Variants in PTPRN2 observed in about 807,000 individuals in gnomAD.
The protein encoded by PTPRN2 is receptor-type tyrosine-protein phosphatase N2.
A neutral mutation model predicts 118.8 loss-of-function variants in PTPRN2; 74 were observed. That is an observed-to-expected ratio of 0.62 (90% CI 0.52 to 0.76). PTPRN2 has a LOEUF of 0.76. Among genes scored for constraint, PTPRN2 ranks in the 30% least tolerant of loss-of-function variants. PTPRN2 has a pLI of 0.00. For synonymous variants in PTPRN2, 641 were observed against 608.0 expected (o/e 1.05, Z -0.80); for missense variants, 1,481 against 1,394.4 (o/e 1.06, Z -0.99).
At chr7:157,712,479 G>T (rs1288646101) in intron 12 of PTPRN2, among the ~76,000 whole-genome samples, 2 of 152,152 alleles carry the variant, frequency 1.3e-5, no homozygotes, top group African/African-American at 2.4e-5. Context: ...GGCTGGGCAG[G>T]GTGGCTCACG....
rs1242777398 is a variant in PTPRN2, at chr7:157,590,379, T to A, written c.2496+4859A>T. ...TCTGAGCTGGAGTAAGGACCAGGAATTCAGCCGAATGATTTGGAGAGCACT... is the reference window on the plus strand; with the variant it reads ...TCTGAGCTGGAGTAAGGACCAGGAAATCAGCCGAATGATTTGGAGAGCACT... On this transcript the variant is annotated intron_variant, in intron 17 of 22. Coordinates refer to ENST00000389418, the MANE Select transcript of PTPRN2 (RefSeq NM_002847.5). The surrounding 1 kb of genome is among the most constrained non-coding windows in gnomAD (Gnocchi z 4.0). Among the ~76,000 whole-genome samples, 1 of 152,228 alleles carries A rather than the reference T, an allele frequency of 6.6e-6. No homozygotes were observed. Among genetic ancestry groups the A allele is most frequent in the Non-Finnish European group, 1.5e-5 (1 of 68,040 alleles).
chr7:157,756,300 ATTAAT>A (rs1053279376), intron 12 of PTPRN2, among the ~76,000 whole-genome samples: 5 of 146,882 alleles, frequency 3.4e-5, no homozygotes, highest in South Asian at 2.1e-4. Flanking sequence ...TAATCTTTTA[ATTAAT>A]TTTTTTTTTT....
At chr7:158,429,955 T>C (rs1251239210) in intron 2 of PTPRN2, among the ~76,000 whole-genome samples, 4 of 152,214 alleles carry the variant, frequency 2.6e-5, no homozygotes, top group Non-Finnish European at 5.9e-5. Flanking sequence ...TCGTCCAGGC[T>C]GGAGTGCAAT....
chr7:158,248,693 C>G (rs959198438), intron 3 of PTPRN2, among the ~76,000 whole-genome samples: 3 of 145,640 alleles, frequency 2.1e-5, no homozygotes, highest in Non-Finnish European at 4.5e-5. Context: ...ACACCACACA[C>G]GTGCACACAC....
At chr7:158,484,374 T>C (rs1316684437) in intron 2 of PTPRN2, among the ~76,000 whole-genome samples, 1 of 151,982 alleles carries the variant, frequency 6.6e-6, no homozygotes, top group East Asian at 1.9e-4. Flanking sequence ...ACTTATTTAT[T>C]TATTTAGAGA....
chr7:158,250,544 A>C (rs964021121), intron 3 of PTPRN2, among the ~76,000 whole-genome samples: 3 of 151,978 alleles, frequency 2.0e-5, no homozygotes, highest in Non-Finnish European at 4.4e-5. Context: ...CACACATTCC[A>C]TACATATGCA....
intron 1 of PTPRN2, among the ~76,000 whole-genome samples, chr7:158,561,246 T>C (rs760680889): frequency 8.5e-5 from 13 of 152,230 alleles, no homozygotes; most frequent in Non-Finnish European, 1.2e-4. Flanking sequence ...TAATTCTCAT[T>C]ACTACTTCAA....
intron 2 of PTPRN2, among the ~76,000 whole-genome samples, chr7:158,488,423 G>A (rs915992491): frequency 2.0e-5 from 3 of 152,174 alleles, no homozygotes; most frequent in African/African-American, 4.8e-5. Context: ...TCCTCTTGGC[G>A]CCTCCACCGT....
intron 12 of PTPRN2, among the ~76,000 whole-genome samples, chr7:157,685,818 CGGA>C (rs987994147): frequency 7.9e-5 from 12 of 152,186 alleles, no homozygotes; most frequent in Middle Eastern, 3.2e-3. Flanking sequence ...CAGGAGTCCC[CGGA>C]GGGGAAGCAA....
chr7:157,590,338 G>C lies in PTPRN2; in HGVS notation c.2496+4900C>G, dbSNP rs149181108. On this transcript the variant is annotated intron_variant, in intron 17 of 22. Coordinates refer to ENST00000389418, the MANE Select transcript of PTPRN2 (RefSeq NM_002847.5). The surrounding 1 kb of genome is among the most constrained non-coding windows in gnomAD (Gnocchi z 4.0). ...ACACTGATTTCTGAACTGTAACTCA[G>C]ACTTCCACAGACCCCTCTGAGCTGG... Among the ~76,000 whole-genome samples the C allele has an allele frequency of 1.3e-5, 2 of 152,298 alleles. No homozygotes were observed. Among genetic ancestry groups the C allele is most frequent in the African/African-American group, 4.8e-5 (2 of 41,540 alleles).
chr7:158,536,635 G>A (rs1220818253), intron 1 of PTPRN2, among the ~76,000 whole-genome samples: 1 of 147,798 alleles, frequency 6.8e-6, no homozygotes, highest in Non-Finnish European at 1.5e-5. Context: ...GACTCAGGAA[G>A]ACACAAGGGC....
intron 1 of PTPRN2, among the ~76,000 whole-genome samples, chr7:158,492,237 C>T (rs940342670): frequency 2.8e-4 from 43 of 152,324 alleles, no homozygotes; most frequent in African/African-American, 9.9e-4. Context: ...CTGGCAGGAG[C>T]TGCAGGACTC....
At chr7:157,854,736 T>A (rs1044770145) in intron 12 of PTPRN2, 7 of 153,326 alleles carry the variant, frequency 4.6e-5, no homozygotes, top group African/African-American at 1.7e-4. Flanking sequence ...GAAGGCCAAC[T>A]TCCCCTCTGT....
At chr7:158,333,700 A>C (rs62480907) in intron 2 of PTPRN2, among the ~76,000 whole-genome samples, 19,505 of 122,672 alleles carry the variant, frequency 0.16, 6 homozygotes, top group African/African-American at 0.24. Flanking sequence ...CCACACTGTC[A>C]CCATAAGAGC....
chr7:158,361,656 C>G (rs1486651551), intron 2 of PTPRN2, among the ~76,000 whole-genome samples: 1 of 152,170 alleles, frequency 6.6e-6, no homozygotes, highest in African/African-American at 2.4e-5. Context: ...AGGCTGTTAG[C>G]AGATGCCCAC....
intron 21 of PTPRN2, among the ~76,000 whole-genome samples, chr7:157,551,027 C>A (rs536132674): frequency 6.6e-6 from 1 of 152,252 alleles, no homozygotes; most frequent in South Asian, 2.1e-4. Flanking sequence ...GCCAAGGAAG[C>A]CGCTTCCTCT....
rs1015945080 is a variant in PTPRN2, at chr7:157,780,790, C to T, written c.1789-97853G>A. The stretch of plus-strand genomic sequence containing the variant: ...GCCCCCGGGCCAAGGTGGACGAGCT[C>T]TCCAAACTCGCTTTCTCTGCCTCAT... On this transcript the variant is annotated intron_variant, in intron 12 of 22. Coordinates refer to ENST00000389418, the MANE Select transcript of PTPRN2 (RefSeq NM_002847.5). The surrounding 1 kb of genome is among the most constrained non-coding windows in gnomAD (Gnocchi z 4.5). Among the ~76,000 whole-genome samples the T allele has an allele frequency of 6.6e-6, 1 of 152,192 alleles. No homozygotes were observed. The highest frequency in any genetic ancestry group is 1.5e-5 in the Non-Finnish European group (1 of 68,032).
At position 157,974,524 on chromosome 7, in the gene PTPRN2, G is replaced by A. The variant is rs1202279839; in HGVS notation, c.1724-75787C>T. Among the ~76,000 whole-genome samples the A allele has an allele frequency of 6.6e-6, 1 of 152,182 alleles. No homozygotes were observed. Among genetic ancestry groups the A allele is most frequent in the Admixed American group, 6.5e-5 (1 of 15,284 alleles). Reference sequence around the variant, plus strand: ...AGTGGGAACCGTCGGTCCTGCCATGGGACGATGTGACTGGGGGCTCGTCCA... The same window carrying A: ...AGTGGGAACCGTCGGTCCTGCCATGAGACGATGTGACTGGGGGCTCGTCCA... On this transcript the variant is annotated intron_variant, in intron 11 of 22. Coordinates refer to ENST00000389418, the MANE Select transcript of PTPRN2 (RefSeq NM_002847.5). The surrounding 1 kb of genome is among the most constrained non-coding windows in gnomAD (Gnocchi z 4.0).
rs1804753452 is a variant in PTPRN2, at chr7:157,794,671, TTGTGTCAC to T, written c.1788+103994_1788+104001del. ...TGCCTTCTGTATTTTACATTTTTTA[TTGTGTCAC>T]TTACTGCAAAGCAGCTCAAGGAGCC... On this transcript the variant is annotated intron_variant, in intron 12 of 22. Transcript: ENST00000389418. This position sits in a 1 kb window ranked among gnomAD's most constrained non-coding sequence, Gnocchi z 5.2. Among the ~76,000 whole-genome samples the T allele has an allele frequency of 1.3e-5, 2 of 152,192 alleles. No homozygotes were observed. Among genetic ancestry groups the T allele is most frequent in the African/African-American group, 4.8e-5 (2 of 41,432 alleles).
Sources: allele counts gnomAD v4.1 joint callset (sites outside exome capture counted in the v4.1 genomes callset), GRCh38; gene constraint gnomAD v4.1.1; non-coding constraint Gnocchi (gnomAD v3.1); transcripts MANE v1.5; gene names NCBI Gene and HGNC (gene_info 2026-07-23, HGNC 2026-07-21).